The following ABCC1 variants were observed in gnomAD, a reference collection of about 807,000 sequenced individuals.
ABCC1 encodes multidrug resistance-associated protein 1.
In ABCC1, 83 loss-of-function variants were observed where a neutral mutation model predicts 172.9. The observed-to-expected ratio is 0.48, with a 90% CI of 0.40 to 0.58. The LOEUF (loss-of-function observed/expected upper bound fraction) is 0.58. Among genes scored for constraint, ABCC1 ranks in the 20% least tolerant of loss-of-function variants. ABCC1 has a pLI of 0.00. For synonymous variants in ABCC1, 937 were observed against 825.2 expected (o/e 1.14, Z -2.32); for missense variants, 1,817 against 2,002.7 (o/e 0.91, Z 1.77).
rs774322735 is a variant in ABCC1 at position 16,016,512 on chromosome 16, T to C, written c.506T>C (p.Leu169Pro). The stretch of plus-strand genomic sequence containing the variant: ...ACCATGTAGGATGCCCAGGTGGACC[T>C]GTTTCGTGACATCACTTTCTACGTC... Reference protein sequence around the residue: ...TALKEDAQVDLFRDITFYVYF... With the variant: ...TALKEDAQVDPFRDITFYVYF... The change falls in exon 5 of 31, where the codon CTG becomes CCG. Residue 169 changes from leucine (L) to proline (P), a missense_variant. Leu to Pro is a moderately conservative substitution (Grantham distance 98). Coordinates refer to ENST00000399410, the MANE Select transcript of ABCC1 (RefSeq NM_004996.4). 2 of 1,614,152 alleles carry C rather than the reference T, an allele frequency of 1.2e-6. No homozygotes were observed. The highest frequency in any genetic ancestry group is 2.2e-5 in the South Asian group (2 of 91,082).
chr16:16,132,936 C>G (rs909931940), intron 27 of ABCC1, among the ~76,000 whole-genome samples: 12 of 152,260 alleles, frequency 7.9e-5, no homozygotes, highest in Middle Eastern at 6.8e-3. Flanking sequence ...GGTCAATCCT[C>G]CCCCGCCTGG....
At position 16,056,912 on chromosome 16, in the gene ABCC1, C is replaced by T. The variant is rs550743458; in HGVS notation, c.1677+617C>T. Among the ~76,000 whole-genome samples, 52 of 152,258 alleles carry T rather than the reference C, an allele frequency of 3.4e-4. 1 individual carries two copies. In the South Asian group the frequency reaches 8.5e-3, roughly 25 times the overall value. ...GACAAAAAGTGCGAGCTGAGTCGAA[C>T]GGCACGCTTGGTGCCATAGTTGATC... On this transcript the variant is annotated intron_variant, in intron 12 of 30. Transcript: ENST00000399410.
At chr16:16,118,586 G>A (rs543599020) in intron 23 of ABCC1, among the ~76,000 whole-genome samples, 9 of 152,052 alleles carry the variant, frequency 5.9e-5, no homozygotes, top group Non-Finnish European at 1.2e-4. Context: ...TGGGTACACC[G>A]TGGAGCAATG....
intron 26 of ABCC1, among the ~76,000 whole-genome samples, chr16:16,129,899 G>A (rs532249937): frequency 6.6e-6 from 1 of 152,298 alleles, no homozygotes; most frequent in South Asian, 2.1e-4. Context: ...GTTGCCCGGC[G>A]TTTTCTTGTT....
chr16:16,141,212 C>CCAA lies in ABCC1; in HGVS notation c.4527_4528insCAA (p.Gly1509_Ala1510insGln), dbSNP rs2046114997. ...ACAAAGGAGAAATCCAGGAGTACGGCGCCCCATCGGACCTCCTGCAGCAGA... is the reference window on the plus strand; with the variant it reads ...ACAAAGGAGAAATCCAGGAGTACGGCCAAGCCCCATCGGACCTCCTGCAGCAGA... On this transcript the variant is annotated inframe_insertion, in exon 31 of 31. Coordinates refer to ENST00000399410, the MANE Select transcript of ABCC1 (RefSeq NM_004996.4). 1 of 1,613,866 alleles carries CCAA rather than the reference C, an allele frequency of 6.2e-7. No homozygotes were observed. Among genetic ancestry groups the CCAA allele is most frequent in the African/African-American group, 1.3e-5 (1 of 74,882 alleles).
chr16:16,106,560 G>A, intron 20 of ABCC1, 178 bp from the exon 21 acceptor site: 1 of 623,490 alleles, frequency 1.6e-6, no homozygotes, highest in South Asian at 2.2e-5. Context: ...TATAAACCTG[G>A]AGAGTGACAT....
At position 16,076,318 on chromosome 16, in the gene ABCC1, C is replaced by T; in HGVS notation, c.1913-8C>T. ...AGCCTGTCCCTGACATGTCTCTGTGCTTTGTAGGCGGGGGCACGAACAGCA... is the reference window on the plus strand; with the variant it reads ...AGCCTGTCCCTGACATGTCTCTGTGTTTTGTAGGCGGGGGCACGAACAGCA... On this transcript the variant is annotated splice_region_variant and splice_polypyrimidine_tract_variant and intron_variant, in intron 14 of 30. Coordinates refer to ENST00000399410, the MANE Select transcript of ABCC1 (RefSeq NM_004996.4). 1 of 1,612,488 alleles carries T rather than the reference C, an allele frequency of 6.2e-7. No individual in the cohort carries two copies. Among genetic ancestry groups the T allele is most frequent in the Non-Finnish European group, 8.5e-7 (1 of 1,179,332 alleles).
intron 23 of ABCC1, among the ~76,000 whole-genome samples, chr16:16,117,372 C>T (rs779422774): frequency 3.3e-5 from 5 of 152,184 alleles, no homozygotes; most frequent in African/African-American, 4.8e-5. Context: ...ACTGCCCCCA[C>T]GATTCAGTTA....
chr16:16,044,781 T>A, intron 8 of ABCC1, 101 bp downstream of exon 8: 1 of 1,079,426 alleles, frequency 9.3e-7, no homozygotes, highest in Non-Finnish European at 1.4e-6. Flanking sequence ...TGTCCTGAAG[T>A]GGGCTCATAG....
intron 3 of ABCC1, among the ~76,000 whole-genome samples, chr16:16,010,927 T>G (rs2047752596): frequency 1.3e-5 from 2 of 152,018 alleles, no homozygotes; most frequent in Non-Finnish European, 2.9e-5. Flanking sequence ...AGTGTAGCCC[T>G]TGAGTATTGT....
rs28364005 is a variant in ABCC1 at position 16,076,537 on chromosome 16, C to T, written c.1988+136C>T. 82 of 807,986 alleles carry T rather than the reference C, an allele frequency of 1.0e-4. No homozygotes were observed. The East Asian group carries it at 2.0e-3, about 20-fold the overall frequency. The allele number at this position is 807,986 out of a possible 1,614,324, so 50.1% of individuals were successfully genotyped here. On this transcript the variant is annotated intron_variant, in intron 15 of 30. Coordinates refer to ENST00000399410, the MANE Select transcript of ABCC1 (RefSeq NM_004996.4). ...CTTTGCCTTTCTAAGACTTAGCTTA[C>T]CCATCTGGACAATGGGTGCAGATAC...
intron 1 of ABCC1, among the ~76,000 whole-genome samples, chr16:16,006,871 C>CGGTGGCGCTGGT (rs2047553316): frequency 6.8e-6 from 1 of 148,030 alleles, no homozygotes; most frequent in Non-Finnish European, 1.5e-5. Flanking sequence ...GTGGCGGTGG[C>CGGTGGCGCTGGT]GGTGGCGGTG....
Position 16,009,969 on chromosome 16 carries a change from C to T in ABCC1, c.351+68C>T, listed in dbSNP as rs184724412. The T allele has an allele frequency of 5.1e-5, 64 of 1,243,478 alleles. No homozygotes were observed. The South Asian group carries it at 1.0e-3, about 19-fold the overall frequency. 77.0% of individuals were successfully genotyped at this position (1,243,478 alleles called of 1,614,324 possible). On this transcript the variant is annotated intron_variant, in intron 3 of 30. Transcript: ENST00000399410. ...TCAGTGGAGACCAAAAGTAATAACT[C>T]GTAAGACTAGAATCATAGTTTTTTA...
chr16:16,131,760 C>CT (rs1261393671), intron 26 of ABCC1, 29 bp from the exon 27 acceptor site: 1 of 1,608,368 alleles, frequency 6.2e-7, no homozygotes, highest in Non-Finnish European at 8.5e-7. Flanking sequence ...CTGGAAATTC[C>CT]TTACTCTCTC....
At chr16:16,139,925 G>A (rs989937709) in intron 30 of ABCC1, among the ~76,000 whole-genome samples, 2 of 152,164 alleles carry the variant, frequency 1.3e-5, no homozygotes, top group Admixed American at 6.5e-5. Context: ...CAGCTTTGTG[G>A]GCCACATGGC....
chr16:15,988,349 G>C (rs1049881825), intron 1 of ABCC1, among the ~76,000 whole-genome samples: 1 of 152,136 alleles, frequency 6.6e-6, no homozygotes, highest in African/African-American at 2.4e-5. Context: ...AGCTCCAGGA[G>C]GGCCGGCCCT....
chr16:16,107,504 G>T (rs2052182158), intron 21 of ABCC1, among the ~76,000 whole-genome samples: 1 of 152,088 alleles, frequency 6.6e-6, no homozygotes, highest in Non-Finnish European at 1.5e-5. Flanking sequence ...TGGCCAGGCT[G>T]GTCTTGAACT....
chr16:16,041,382 G>C (rs1355731326), intron 7 of ABCC1, among the ~76,000 whole-genome samples: 1 of 152,160 alleles, frequency 6.6e-6, no homozygotes, highest in African/African-American at 2.4e-5. Context: ...TTGCCAGGGA[G>C]GATGTGGTGA....
At chr16:15,959,531 G>A (rs1211476650) in intron 1 of ABCC1, among the ~76,000 whole-genome samples, 1 of 152,108 alleles carries the variant, frequency 6.6e-6, no homozygotes. Flanking sequence ...TCACCATGTT[G>A]CCCAGGCTTG....
Sources: gnomAD v4.1 joint callset for allele counts (sites outside exome capture counted in the v4.1 genomes callset) on GRCh38, gnomAD v4.1.1 for gene constraint, MANE v1.5 for transcripts, NCBI Gene and HGNC (gene_info 2026-07-23, HGNC 2026-07-21) for gene names.